Variants in MTUS1 observed in about 807,000 individuals in gnomAD.
The protein encoded by MTUS1 is microtubule-associated tumor suppressor 1.
A neutral mutation model predicts 120.8 loss-of-function variants in MTUS1; 109 were observed. The ratio of observed to expected loss-of-function variants is 0.90; its 90% CI spans 0.77 to 1.06. The LOEUF (loss-of-function observed/expected upper bound fraction) is 1.06. MTUS1 is among the 50% of genes least tolerant of loss of function. The pLI, the probability that MTUS1 is intolerant of heterozygous loss-of-function variation, is 0.00. For synonymous variants in MTUS1, 737 were observed against 550.5 expected, an observed-to-expected ratio of 1.34 and a Z score of -4.74; for missense variants, 2,210 against 1,486.3, an observed-to-expected ratio of 1.49 and a Z score of -8.01.
intron 6 of MTUS1, among the ~76,000 whole-genome samples, chr8:17,692,464 A>G (rs1276344817): frequency 6.6e-6 from 1 of 152,208 alleles, no homozygotes; most frequent in African/African-American, 2.4e-5. Context: ...GCTTTTCTTC[A>G]GGTGAGACAA....
intron 6 of MTUS1, among the ~76,000 whole-genome samples, chr8:17,684,871 T>A (rs1223362042): frequency 2.0e-5 from 3 of 152,176 alleles, no homozygotes; most frequent in Admixed American, 2.0e-4. Flanking sequence ...GTTAAATTGG[T>A]AGAGAAACCT....
Position 17,713,262 on chromosome 8 carries a change from A to G in MTUS1, c.2585-10T>C. 6.7e-7 allele frequency: 1 copy of G among 1,495,916 alleles called. No individual in the cohort carries two copies. Among genetic ancestry groups the G allele is most frequent in the African/African-American group, 1.4e-5 (1 of 72,440 alleles). The allele number at this position is 1,495,916 out of a possible 1,614,324, so 92.7% of individuals were successfully genotyped here. ...TTTTTTCTCGAAGGACCTAAGATATAAAAGAAACATGTAAAATACATATGT... is the reference window on the plus strand; with the variant it reads ...TTTTTTCTCGAAGGACCTAAGATATGAAAGAAACATGTAAAATACATATGT... On this transcript the variant is annotated splice_polypyrimidine_tract_variant and intron_variant, in intron 5 of 14. Transcript: ENST00000693296.
At chr8:17,796,357 C>T (rs1011386607) in intron 1 of MTUS1, among the ~76,000 whole-genome samples, 2 of 5,818 alleles carry the variant, frequency 3.4e-4, no homozygotes, top group African/African-American at 1.2e-3. Flanking sequence ...GAAGTCTAAA[C>T]TTTAATGAAC....
intron 1 of MTUS1, among the ~76,000 whole-genome samples, chr8:17,769,636 C>A (rs2049866949): frequency 6.6e-6 from 1 of 151,932 alleles, no homozygotes; most frequent in Non-Finnish European, 1.5e-5. Flanking sequence ...CGTGAGCCAC[C>A]CGCGCCCGGC....
chr8:17,756,009 C>G, intron 1 of MTUS1, 48 bp from the exon 2 acceptor site: 8 of 1,231,194 alleles, frequency 6.5e-6, no homozygotes, highest in Non-Finnish European at 8.5e-6. Context: ...GAAAAATTAA[C>G]AGGCCACCCC....
At chr8:17,796,707 C>A (rs1258790049) in intron 1 of MTUS1, among the ~76,000 whole-genome samples, 1 of 152,172 alleles carries the variant, frequency 6.6e-6, no homozygotes, top group Non-Finnish European at 1.5e-5. Context: ...AAAATTGCCC[C>A]ATATCCAAGA....
intron 6 of MTUS1, among the ~76,000 whole-genome samples, chr8:17,707,061 A>G (rs1445570420): frequency 6.6e-6 from 1 of 152,234 alleles, no homozygotes; most frequent in Non-Finnish European, 1.5e-5. Context: ...TCTCAAAGCC[A>G]TAGTACAACG....
At chr8:17,750,285 C>T (rs942436951) in intron 2 of MTUS1, among the ~76,000 whole-genome samples, 2 of 152,160 alleles carry the variant, frequency 1.3e-5, no homozygotes, top group Non-Finnish European at 2.9e-5. Context: ...AGTGACTGTA[C>T]ACAAACTAAC....
intron 1 of MTUS1, among the ~76,000 whole-genome samples, chr8:17,769,902 A>G (rs1483770254): frequency 9.6e-6 from 1 of 103,682 alleles, no homozygotes; most frequent in East Asian, 4.8e-4. Flanking sequence ...ACACACACAC[A>G]CACACACACA....
At chr8:17,736,621 C>G (rs209976) in intron 3 of MTUS1, among the ~76,000 whole-genome samples, 102,365 of 151,818 alleles carry the variant, frequency 0.67, 34,998 homozygotes, top group Middle Eastern at 0.83. Flanking sequence ...GTCTTGCTCT[C>G]TCACCCAGGC....
At chr8:17,731,030 G>A (rs1483827956) in intron 3 of MTUS1, among the ~76,000 whole-genome samples, 3 of 152,098 alleles carry the variant, frequency 2.0e-5, no homozygotes, top group Non-Finnish European at 4.4e-5. Flanking sequence ...GCAACTAGTT[G>A]GAGTAAGATA....
chr8:17,649,978 C>G lies in MTUS1; in HGVS notation c.3385-16G>C. ...GAGGATTTTTCTGGAAAGGACACAG[C>G]AAGATACTGCTCTTATTCCACATAG... On this transcript the variant is annotated splice_polypyrimidine_tract_variant and intron_variant, in intron 12 of 14. Transcript: ENST00000693296. The G allele has an allele frequency of 8.2e-7, 1 of 1,219,084 alleles. No homozygotes were observed. The highest frequency in any genetic ancestry group is 1.2e-5 in the South Asian group (1 of 83,090). 75.5% of individuals were successfully genotyped at this position (1,219,084 alleles called of 1,614,324 possible).
At chr8:17,789,036 C>G (rs2051542729) in intron 1 of MTUS1, among the ~76,000 whole-genome samples, 1 of 144,418 alleles carries the variant, frequency 6.9e-6, no homozygotes, top group African/African-American at 2.5e-5. Context: ...TTTTAGTTGT[C>G]TTTTTTTTTT....
At chr8:17,685,217 GT>G (rs76630516) in intron 6 of MTUS1, among the ~76,000 whole-genome samples, 3 of 151,356 alleles carry the variant, frequency 2.0e-5, no homozygotes, top group East Asian at 1.9e-4. Flanking sequence ...GGCTTACACA[GT>G]TTTTTTTTAA....
intron 1 of MTUS1, among the ~76,000 whole-genome samples, chr8:17,789,831 G>T (rs564805008): frequency 6.6e-6 from 1 of 152,204 alleles, no homozygotes; most frequent in South Asian, 2.1e-4. Flanking sequence ...ATATTCCTTA[G>T]AAGACAATTT....
intron 5 of MTUS1, among the ~76,000 whole-genome samples, chr8:17,713,895 G>A (rs1440901786): frequency 5.3e-5 from 8 of 152,124 alleles, no homozygotes; most frequent in African/African-American, 1.9e-4. Flanking sequence ...ATACGTGGCT[G>A]TTATCAATGG....
chr8:17,705,936 C>A (rs1820066277), intron 6 of MTUS1: 2 of 152,108 alleles, frequency 1.3e-5, no homozygotes, highest in African/African-American at 4.8e-5. Flanking sequence ...TAATAGTATT[C>A]TGTGGTATGT....
chr8:17,782,903 C>A (rs2050985676), intron 1 of MTUS1, among the ~76,000 whole-genome samples: 9 of 152,114 alleles, frequency 5.9e-5, no homozygotes, highest in Admixed American at 5.9e-4. Context: ...CATGGTGAAA[C>A]CCCACCTTTA....
intron 1 of MTUS1, among the ~76,000 whole-genome samples, chr8:17,764,878 C>T (rs950290496): frequency 6.6e-6 from 1 of 152,130 alleles, no homozygotes; most frequent in Non-Finnish European, 1.5e-5. Flanking sequence ...AACTTTTCTG[C>T]GGACCAGGAG....
Sources: allele counts gnomAD v4.1 joint callset (sites outside exome capture counted in the v4.1 genomes callset), GRCh38; gene constraint gnomAD v4.1.1; transcripts MANE v1.5; gene names NCBI Gene and HGNC (gene_info 2026-07-23, HGNC 2026-07-21).